The following SDK2 variants were observed in gnomAD, a reference collection of about 807,000 sequenced individuals.
SDK2 encodes the protein protein sidekick-2.
A neutral mutation model predicts 253.9 loss-of-function variants in SDK2; 105 were observed. That is an observed-to-expected ratio of 0.41 (90% CI 0.35 to 0.49). SDK2 has a LOEUF of 0.49. Ranked by LOEUF, SDK2 falls within the 20% of genes least tolerant of loss-of-function variation. The pLI is 0.06. For synonymous variants in SDK2, 1,249 were observed against 1,234.9 expected (o/e 1.01, Z -0.24); for missense variants, 2,608 against 3,003.0 (o/e 0.87, Z 3.07).
At position 73,424,066 on chromosome 17, in the gene SDK2, G is replaced by T. The variant is rs1483892388; in HGVS notation, c.1610C>A (p.Thr537Asn). Residue 537 changes from threonine to asparagine, a missense_variant, in exon 13 of 45, where the codon ACC (threonine) becomes AAC (asparagine). Physicochemically the swap from Thr to Asn is moderately conservative, Grantham distance 65. Transcript: ENST00000392650. ...ACGAGGATGGCTCTCCGTGCCCAGG[G>T]TGGCCCCGTCCTTCTCCCAGATGTA... ...IRYIWEKDGA[T>N]LGTESHPRIR... 1.9e-6 allele frequency: 3 copies of T among 1,612,790 alleles called. No individual in the cohort carries two copies. The highest frequency in any genetic ancestry group is 2.5e-6 in the Non-Finnish European group (3 of 1,179,682).
intron 1 of SDK2, among the ~76,000 whole-genome samples, chr17:73,590,347 C>T (rs1015470745): frequency 2.6e-5 from 4 of 152,328 alleles, no homozygotes; most frequent in South Asian, 2.1e-4. Flanking sequence ...CCCCGGCATT[C>T]GCTTCCCCTG....
At chr17:73,582,492 A>G (rs767254232) in intron 1 of SDK2, among the ~76,000 whole-genome samples, 13 of 152,224 alleles carry the variant, frequency 8.5e-5, no homozygotes, top group African/African-American at 2.9e-4. Flanking sequence ...GGCTGTGACA[A>G]TTATCAAAAT....
In SDK2 at chr17:73,379,572, G is replaced by A. The variant is rs947517892; in HGVS notation, c.4763-23C>T. 6.9e-7 allele frequency: 1 copy of A among 1,453,700 alleles called. No individual in the cohort carries two copies. Among genetic ancestry groups the A allele is most frequent in the African/African-American group, 1.4e-5 (1 of 71,878 alleles). The allele number at this position is 1,453,700 out of a possible 1,614,324, so 90.1% of individuals were successfully genotyped here. ...GGTCTGTGGGGGAGAGTGGGGGAGG[G>A]GAAGCACACTGAGGTCACCGTCATT... On this transcript the variant is annotated intron_variant, in intron 34 of 44. Coordinates refer to ENST00000392650, the MANE Select transcript of SDK2 (RefSeq NM_001144952.2). This position sits in a 1 kb window ranked among gnomAD's most constrained non-coding sequence, Gnocchi z 4.5.
chr17:73,449,871 C>A (rs1392852399), intron 4 of SDK2, among the ~76,000 whole-genome samples: 1 of 151,946 alleles, frequency 6.6e-6, no homozygotes, highest in African/African-American at 2.4e-5. Flanking sequence ...TGCGGCCAGC[C>A]GAGGTCGCAC....
intron 12 of SDK2, among the ~76,000 whole-genome samples, chr17:73,428,310 C>T (rs1401909560): frequency 6.6e-6 from 1 of 152,088 alleles, no homozygotes; most frequent in Non-Finnish European, 1.5e-5. Context: ...ATGATCCACC[C>T]GCCTCGGCCT....
chr17:73,525,869 AG>A (rs1179024425), intron 1 of SDK2, among the ~76,000 whole-genome samples: 2 of 152,178 alleles, frequency 1.3e-5, no homozygotes, highest in Non-Finnish European at 2.9e-5. Flanking sequence ...TTTCACTCAA[AG>A]GTCAATTCAT....
intron 36 of SDK2, among the ~76,000 whole-genome samples, chr17:73,377,060 T>A (rs1215049617): frequency 2.0e-5 from 3 of 152,064 alleles, no homozygotes; most frequent in African/African-American, 4.8e-5. Context: ...CTTGCGTCTC[T>A]CCTACTCCCC....
chr17:73,487,425 T>G (rs1567801457), intron 2 of SDK2, among the ~76,000 whole-genome samples: 3 of 152,056 alleles, frequency 2.0e-5, no homozygotes. Context: ...GAGGCTGAGA[T>G]GGTGATGACT....
rs796687504 is a variant in SDK2 at position 73,559,608 on chromosome 17, C to CCCT, written c.65-52012_65-52011insAGG. Among the ~76,000 whole-genome samples, 1,070 of 147,522 alleles carry CCCT rather than the reference C, an allele frequency of 7.3e-3. 24 individuals carry two copies. The highest frequency in any genetic ancestry group is 0.027 in the African/African-American group (1,012 of 38,020). On this transcript the variant is annotated intron_variant, in intron 1 of 44. Coordinates refer to ENST00000392650, the MANE Select transcript of SDK2 (RefSeq NM_001144952.2). ...CACTCCGCTCCCTGTGCCCCCCGCC[C>CCCT]CCGCCACCATACCACACATGTCACC... is the stretch of plus-strand genomic sequence containing the variant.
chr17:73,553,471 G>A (rs143396864), intron 1 of SDK2, among the ~76,000 whole-genome samples: 1,523 of 152,280 alleles, frequency 0.01, 5 homozygotes, highest in Middle Eastern at 0.017. Flanking sequence ...GAGCAGCCCA[G>A]TGGTGAGTCA....
intron 1 of SDK2, among the ~76,000 whole-genome samples, chr17:73,535,104 A>G (rs529858675): frequency 3.9e-5 from 6 of 152,296 alleles, no homozygotes; most frequent in African/African-American, 1.2e-4. Context: ...CCAATCCCCT[A>G]TAGCCCTGAC....
At chr17:73,475,411 C>T (rs2063679560) in intron 2 of SDK2, among the ~76,000 whole-genome samples, 1 of 152,176 alleles carries the variant, frequency 6.6e-6, no homozygotes, top group Non-Finnish European at 1.5e-5. Context: ...CTCGGCCTCC[C>T]AAACTGCTGG....
intron 1 of SDK2, among the ~76,000 whole-genome samples, chr17:73,578,622 G>A (rs1439163982): frequency 1.3e-5 from 2 of 152,084 alleles, no homozygotes; most frequent in Non-Finnish European, 2.9e-5. Context: ...CCTGGGTTGG[G>A]GGCTCCTACT....
At chr17:73,453,234 C>T (rs1317429254) in intron 4 of SDK2, among the ~76,000 whole-genome samples, 1 of 152,132 alleles carries the variant, frequency 6.6e-6, no homozygotes, top group African/African-American at 2.4e-5. Context: ...GTCACCCAGA[C>T]AAGTCAGCCA....
At chr17:73,610,297 G>A (rs2045957495) in intron 1 of SDK2, among the ~76,000 whole-genome samples, 1 of 152,178 alleles carries the variant, frequency 6.6e-6, no homozygotes, top group African/African-American at 2.4e-5. Flanking sequence ...GGAGAGATGC[G>A]GAGGCCCAGC....
In SDK2 at chr17:73,642,221, C is replaced by A. The variant is rs1390494746; in HGVS notation, c.64+1804G>T. Among the ~76,000 whole-genome samples, 1 of 152,148 alleles carries A rather than the reference C, an allele frequency of 6.6e-6. No individual in the cohort carries two copies. The highest frequency in any genetic ancestry group is 1.5e-5 in the Non-Finnish European group (1 of 68,026). On this transcript the variant is annotated intron_variant, in intron 1 of 44. Transcript: ENST00000392650. This position sits in a 1 kb window ranked among gnomAD's most constrained non-coding sequence, Gnocchi z 4.7. The stretch of plus-strand genomic sequence containing the variant: ...TGGGGCAGGAAGGGACACATGAAGA[C>A]CCCAAAGCAAGGGCCATCAGGTGCC...
intron 36 of SDK2, among the ~76,000 whole-genome samples, chr17:73,374,853 C>T (rs1159703067): frequency 1.3e-5 from 2 of 152,114 alleles, no homozygotes; most frequent in Non-Finnish European, 2.9e-5. Flanking sequence ...TGATCTGAGC[C>T]CCCTTCATGG....
At chr17:73,637,911 T>C (rs184119303) in intron 1 of SDK2, among the ~76,000 whole-genome samples, 1 of 152,336 alleles carries the variant, frequency 6.6e-6, no homozygotes, top group African/African-American at 2.4e-5. Flanking sequence ...CAGATTCATC[T>C]GTCGGGCCAG....
rs4789621 is a variant in SDK2, at chr17:73,447,401, T to C, written c.613+214A>G. Among the ~76,000 whole-genome samples, 4,138 of 152,156 alleles carry C rather than the reference T, an allele frequency of 0.027. 75 individuals carry two copies. The highest frequency in any genetic ancestry group is 0.057 in the South Asian group (274 of 4,816). On this transcript the variant is annotated intron_variant, in intron 5 of 44. Coordinates refer to ENST00000392650, the MANE Select transcript of SDK2 (RefSeq NM_001144952.2). This position sits in a 1 kb window ranked among gnomAD's most constrained non-coding sequence, Gnocchi z 4.0. ...CCGATGCAGGATCTCAGGCGTGTCA[T>C]GGGAACGGGCTCCAGCGTTCAGCTG...
Sources: gnomAD v4.1 joint callset for allele counts (sites outside exome capture counted in the v4.1 genomes callset) on GRCh38, gnomAD v4.1.1 for gene constraint, Gnocchi (gnomAD v3.1) non-coding constraint, MANE v1.5 for transcripts, NCBI Gene and HGNC (gene_info 2026-07-23, HGNC 2026-07-21) for gene names.